Variants in SLC5A3 observed in about 807,000 individuals in gnomAD.
SLC5A3 encodes the protein sodium/myo-inositol cotransporter.
SLC5A3 carries 10 observed loss-of-function variants against 43.2 expected under a neutral mutation model. That is an observed-to-expected ratio of 0.23 (90% confidence interval 0.14 to 0.39). The LOEUF is 0.39. Ranked by LOEUF, SLC5A3 falls within the 10% of genes least tolerant of loss-of-function variation. The pLI is 1.00. For synonymous variants in SLC5A3, 349 were observed against 322.0 expected, an observed-to-expected ratio of 1.08 and a Z score of -0.90; for missense variants, 608 against 893.4, an observed-to-expected ratio of 0.68 and a Z score of 4.07.
intron 1 of SLC5A3, among the ~76,000 whole-genome samples, chr21:34,094,325 A>G (rs1240143787): frequency 6.6e-6 from 1 of 152,146 alleles, no homozygotes; most frequent in African/African-American, 2.4e-5. Flanking sequence ...TCCAGAGACT[A>G]GGCAGTACTT....
chr21:34,100,072 CAT>C lies in SLC5A3; in HGVS notation c.*2718_*2719del, dbSNP rs974987206. 5.6e-5 allele frequency: 56 copies of C among 996,652 alleles called. 1 individual carries two copies. The highest frequency in any genetic ancestry group is 2.4e-4 in the South Asian group (5 of 21,222). 61.7% of individuals were successfully genotyped at this position (996,652 alleles called of 1,614,324 possible). ...GATGACATTGGTCTTTAGACATTAA[CAT>C]GTGTATATTTTTATATTAGCTCAAG... On this transcript the variant is annotated 3_prime_UTR_variant, in exon 2 of 2. Transcript: ENST00000381151.
rs1979274962 is a variant in SLC5A3 at position 34,102,282 on chromosome 21, T to C, written c.*4927T>C. On this transcript the variant is annotated 3_prime_UTR_variant, in exon 2 of 2. Coordinates refer to ENST00000381151, the MANE Select transcript of SLC5A3 (RefSeq NM_006933.7). ...TATTCACTTAGTAGTCATATAAATG[T>C]TTTTATTTAAACTTCTCTCTCTTCA... The C allele has an allele frequency of 1.0e-6, 1 of 999,530 alleles. No individual in the cohort carries two copies. The highest frequency in any genetic ancestry group is 1.7e-5 in the African/African-American group (1 of 57,350). 61.9% of individuals were successfully genotyped at this position (999,530 alleles called of 1,614,324 possible).
At position 34,096,774 on chromosome 21, in the gene SLC5A3, A is replaced by G. The variant is rs920946715; in HGVS notation, c.1576A>G (p.Thr526Ala). Residue 526 changes from threonine (T) to alanine (A), a missense_variant, in exon 2 of 2, where the codon ACT (threonine) becomes GCT (alanine). Thr to Ala is a moderately conservative substitution (Grantham distance 58). Transcript: ENST00000381151. The surrounding 1 kb of genome is among the most constrained non-coding windows in gnomAD (Gnocchi z 5.9). ...TGLFWVTGLI[T>A]VIVSLLTPPP... ...ATTGTTTTGGGTCACGGGACTCATT[A>G]CTGTAATTGTGAGCCTTCTCACACC... is the stretch of plus-strand genomic sequence containing the variant. 6.2e-7 allele frequency: 1 copy of G among 1,614,030 alleles called. No individual in the cohort carries two copies. The highest frequency in any genetic ancestry group is 1.7e-5 in the Admixed American group (1 of 59,990).
In SLC5A3 at chr21:34,103,521, T is replaced by TA. The variant is rs1375332741; in HGVS notation, c.*6167dup. 5.0e-6 allele frequency: 5 copies of TA among 999,794 alleles called. No homozygotes were observed. Among genetic ancestry groups the TA allele is most frequent in the Non-Finnish European group, 6.0e-6 (5 of 829,714 alleles). 61.9% of individuals were successfully genotyped at this position (999,794 alleles called of 1,614,324 possible). On this transcript the variant is annotated 3_prime_UTR_variant, in exon 2 of 2. Coordinates refer to ENST00000381151, the MANE Select transcript of SLC5A3 (RefSeq NM_006933.7). The stretch of plus-strand genomic sequence containing the variant: ...GGTTGATAGGTATATCGAGAACAGG[T>TA]ACGTGACAACAGTTTATATTCCATG...
At chr21:34,088,566 G>A (rs1253214757) in intron 1 of SLC5A3, among the ~76,000 whole-genome samples, 1 of 152,100 alleles carries the variant, frequency 6.6e-6, no homozygotes. Context: ...TTTTAAACAC[G>A]CATGATCTTT....
intron 1 of SLC5A3, among the ~76,000 whole-genome samples, chr21:34,091,509 T>C (rs1012690601): frequency 3.9e-5 from 6 of 152,226 alleles, no homozygotes; most frequent in African/African-American, 1.2e-4. Flanking sequence ...TTGGTTAACA[T>C]GGTTATATCA....
At chr21:34,080,250 G>A (rs189381887) in intron 1 of SLC5A3, among the ~76,000 whole-genome samples, 11 of 152,330 alleles carry the variant, frequency 7.2e-5, no homozygotes, top group African/African-American at 2.6e-4. Flanking sequence ...CTAATTGATT[G>A]TATCAACACT....
At chr21:34,074,634 C>T (rs911722705) in intron 1 of SLC5A3, among the ~76,000 whole-genome samples, 3 of 152,242 alleles carry the variant, frequency 2.0e-5, no homozygotes, top group African/African-American at 7.2e-5. Context: ...TCCCCATTCT[C>T]CCGTGAATTC....
chr21:34,081,730 G>A (rs1464185098), intron 1 of SLC5A3, among the ~76,000 whole-genome samples: 1 of 152,196 alleles, frequency 6.6e-6, no homozygotes, highest in African/African-American at 2.4e-5. Flanking sequence ...AGGTAGTTAA[G>A]TGTAGTTCTG....
At position 34,105,958 on chromosome 21, in the gene SLC5A3, G is replaced by A. The variant is rs1367925734; in HGVS notation, c.*8603G>A. The A allele has an allele frequency of 4.0e-6, 4 of 993,090 alleles. No individual in the cohort carries two copies. The African/African-American group carries it at 7.0e-5, about 17-fold the overall frequency. The allele number at this position is 993,090 out of a possible 1,614,324, so 61.5% of individuals were successfully genotyped here. On this transcript the variant is annotated 3_prime_UTR_variant, in exon 2 of 2. Transcript: ENST00000381151. ...TCTGATTTTTTAAAATTGTAAACATGTATGATCTTGGTTTCATGTGTTTTT... is the reference window on the plus strand; with the variant it reads ...TCTGATTTTTTAAAATTGTAAACATATATGATCTTGGTTTCATGTGTTTTT...
At chr21:34,078,545 G>A (rs151260121) in intron 1 of SLC5A3, among the ~76,000 whole-genome samples, 6 of 152,060 alleles carry the variant, frequency 3.9e-5, no homozygotes, top group African/African-American at 1.4e-4. Flanking sequence ...AAAAATCTAG[G>A]TTATATCTAG....
Position 34,095,904 on chromosome 21 carries a change from A to G in SLC5A3, c.706A>G (p.Thr236Ala), listed in dbSNP as rs1371495977. ...CTTATTGACATACAACCTTTCCAAC[A>G]CAAATTCTTGTAATGTCTCCCCTAA... ...SILLTYNLSN[T>A]NSCNVSPKKE... Residue 236 changes from threonine (T) to alanine (A), a missense_variant, in exon 2 of 2, where the codon ACA (threonine) becomes GCA (alanine). This residue lies in a region of SLC5A3 where 398 missense variants were observed against 668.6 expected (regional missense o/e 0.60). Transcript: ENST00000381151. 6.2e-7 allele frequency: 1 copy of G among 1,614,014 alleles called. No individual in the cohort carries two copies. The highest frequency in any genetic ancestry group is 1.3e-5 in the African/African-American group (1 of 74,910).
At chr21:34,077,063 C>A (rs150312308) in intron 1 of SLC5A3, among the ~76,000 whole-genome samples, 61 of 152,290 alleles carry the variant, frequency 4.0e-4, no homozygotes, top group African/African-American at 1.4e-3. Flanking sequence ...CCCTGCCCCC[C>A]CTGCAATGAG....
rs1475837877 is a variant in SLC5A3, at chr21:34,099,571, T to C, written c.*2216T>C. 1.0e-6 allele frequency: 1 copy of C among 999,900 alleles called. No individual in the cohort carries two copies. Among genetic ancestry groups the C allele is most frequent in the Non-Finnish European group, 1.2e-6 (1 of 829,928 alleles). 61.9% of individuals were successfully genotyped at this position (999,900 alleles called of 1,614,324 possible). On this transcript the variant is annotated 3_prime_UTR_variant, in exon 2 of 2. Coordinates refer to ENST00000381151, the MANE Select transcript of SLC5A3 (RefSeq NM_006933.7). ...TTGGCTGGGCAGCCTATCTCTTCCATATCCAGCGTAAATGAATAGGAGGTG... is the reference window on the plus strand; with the variant it reads ...TTGGCTGGGCAGCCTATCTCTTCCACATCCAGCGTAAATGAATAGGAGGTG...
At position 34,104,370 on chromosome 21, in the gene SLC5A3, C is replaced by G. The variant is rs1979383378; in HGVS notation, c.*7015C>G. ...ACTCAGCATTGCCCTTTTCCACCTC[C>G]TCACTTCACCTCCGAGTAGCTTGTT... On this transcript the variant is annotated 3_prime_UTR_variant, in exon 2 of 2. Transcript: ENST00000381151. 1.0e-6 allele frequency: 1 copy of G among 1,000,036 alleles called. No homozygotes were observed. 61.9% of individuals were successfully genotyped at this position (1,000,036 alleles called of 1,614,324 possible).
At chr21:34,077,820 A>G (rs575734124) in intron 1 of SLC5A3, among the ~76,000 whole-genome samples, 1 of 152,304 alleles carries the variant, frequency 6.6e-6, no homozygotes, top group Non-Finnish European at 1.5e-5. Flanking sequence ...AAAATGTAGA[A>G]AACAGTTGGT....
chr21:34,097,837 T>A lies in SLC5A3; in HGVS notation c.*482T>A. On this transcript the variant is annotated 3_prime_UTR_variant, in exon 2 of 2. Transcript: ENST00000381151. Reference sequence around the variant, plus strand: ...GTTATGTACTGAAAATCGAATGTGCTTGTGTGATACTTGTTTCAGGACAAG... The same window carrying A: ...GTTATGTACTGAAAATCGAATGTGCATGTGTGATACTTGTTTCAGGACAAG... 1.0e-6 allele frequency: 1 copy of A among 997,928 alleles called. No homozygotes were observed. Among genetic ancestry groups the A allele is most frequent in the Non-Finnish European group, 1.2e-6 (1 of 827,792 alleles). 61.8% of individuals were successfully genotyped at this position (997,928 alleles called of 1,614,324 possible).
intron 1 of SLC5A3, among the ~76,000 whole-genome samples, chr21:34,092,031 C>T (rs1978722308): frequency 6.6e-6 from 1 of 152,004 alleles, no homozygotes; most frequent in Non-Finnish European, 1.5e-5. Context: ...GCTGAAGATT[C>T]TTCCATGTGT....
In SLC5A3 at chr21:34,098,800, A is replaced by T; in HGVS notation, c.*1445A>T. The T allele has an allele frequency of 1.0e-6, 1 of 999,916 alleles. No homozygotes were observed. Among genetic ancestry groups the T allele is most frequent in the Non-Finnish European group, 1.2e-6 (1 of 829,630 alleles). 61.9% of individuals were successfully genotyped at this position (999,916 alleles called of 1,614,324 possible). A position where few individuals can be genotyped will look rare whatever the true frequency, so the allele number is the denominator to read the frequency against. On this transcript the variant is annotated 3_prime_UTR_variant, in exon 2 of 2. Coordinates refer to ENST00000381151, the MANE Select transcript of SLC5A3 (RefSeq NM_006933.7). ...ATGTTAGAGAAAAGCTCTACAGATT[A>T]CGTACTTCTGTGTCTTCGTATGCTC...
Sources: gnomAD v4.1 joint callset for allele counts (sites outside exome capture counted in the v4.1 genomes callset) on GRCh38, gnomAD v4.1.1 for gene constraint, gnomAD v4.1.1 regional missense constraint, Gnocchi (gnomAD v3.1) non-coding constraint, MANE v1.5 for transcripts, NCBI Gene and HGNC (gene_info 2026-07-23, HGNC 2026-07-21) for gene names.